ANKRD54: variants seen among roughly 807,000 people sequenced by gnomAD.
The protein encoded by ANKRD54 is ankyrin repeat domain 54.
ANKRD54 carries 26 observed loss-of-function variants against 36.2 expected under a neutral mutation model. That is an observed-to-expected ratio of 0.72 (90% CI 0.53 to 1.00). ANKRD54 has a LOEUF of 1.00. ANKRD54 is among the 50% of genes least tolerant of loss of function. ANKRD54 has a pLI of 0.00. For synonymous variants in ANKRD54, 209 were observed against 188.4 expected (o/e 1.11, Z -0.89); for missense variants, 384 against 424.3 (o/e 0.91, Z 0.83).
intron 3 of ANKRD54, among the ~76,000 whole-genome samples, chr22:37,838,210 A>C (rs1399010380): frequency 6.6e-6 from 1 of 152,086 alleles, no homozygotes; most frequent in East Asian, 1.9e-4. Flanking sequence ...ATGTTACCTG[A>C]AAGTCTTGAA....
intron 1 of ANKRD54, among the ~76,000 whole-genome samples, chr22:37,841,641 A>G (rs1924269841): frequency 1.3e-5 from 2 of 151,980 alleles, no homozygotes; most frequent in Admixed American, 6.6e-5. Context: ...CGAGGTCAGG[A>G]GTTTGAGACC....
rs998931702 is a variant in ANKRD54 at position 37,843,972 on chromosome 22, G to A, written c.267C>T (p.Gly89=). 2.1e-6 allele frequency: 3 copies of A among 1,415,446 alleles called. No homozygotes were observed. Among genetic ancestry groups the A allele is most frequent in the East Asian group, 3.0e-5 (1 of 32,844 alleles). The allele number at this position is 1,415,446 out of a possible 1,614,324, so 87.7% of individuals were successfully genotyped here. Residue 89 remains glycine, a synonymous_variant, in exon 1 of 8, where the codon GGC becomes GGT. Transcript: ENST00000215941. The part of the protein sequence containing the change: ...RDELRCKIPA[G]RLRRAARPHR... ...GGGGCCTGGCAGCGCGCCTCAGCCG[G>A]CCAGCGGGTATCTTGCAGCGCAGCT...
chr22:37,843,935 C>T lies in ANKRD54; in HGVS notation c.304G>A (p.Gly102Arg). The change falls in exon 1 of 8, where the codon GGG becomes AGG. Residue 102 changes from glycine (G) to arginine (R), a missense_variant. Physicochemically the swap from Gly to Arg is moderately radical, Grantham distance 125 (BLOSUM62 -2). Transcript: ENST00000215941. ...CCGTGCACCTCCTTGCCCGTGGGCC[C>T]GAGCCGCCGGTGGGGCCTGGCAGCG... is the stretch of plus-strand genomic sequence containing the variant. ...RRAARPHRRL[G>R]PTGKEVHALK... 7.3e-7 allele frequency: 1 copy of T among 1,362,614 alleles called. No individual in the cohort carries two copies. Among genetic ancestry groups the T allele is most frequent in the Non-Finnish European group, 9.4e-7 (1 of 1,060,756 alleles). 84.4% of individuals were successfully genotyped at this position (1,362,614 alleles called of 1,614,324 possible).
chr22:37,834,916 G>A (rs1923343588), intron 3 of ANKRD54, among the ~76,000 whole-genome samples: 1 of 151,576 alleles, frequency 6.6e-6, no homozygotes, highest in Admixed American at 6.6e-5. Flanking sequence ...AAAATTAGCT[G>A]GGTGTGGTGG....
chr22:37,846,999 G>A (rs1393015909), upstream of ANKRD54, among the ~76,000 whole-genome samples: 21 of 142,142 alleles, frequency 1.5e-4, no homozygotes, highest in Non-Finnish European at 9.2e-5. Context: ...GACTACAGGC[G>A]CCCGCCACTA....
intron 1 of ANKRD54, 46 bp from the exon 2 acceptor site, chr22:37,840,280 T>C (rs758192088): frequency 1.9e-6 from 3 of 1,603,284 alleles, no homozygotes; most frequent in Admixed American, 3.3e-5. Context: ...CAGCCATGGC[T>C]GGGTGCGGTG....
At chr22:37,832,890 T>C in intron 6 of ANKRD54, 68 bp downstream of exon 6, 1 of 1,607,156 alleles carries the variant, frequency 6.2e-7, no homozygotes, top group Non-Finnish European at 8.5e-7. Flanking sequence ...CAGGTGTGTC[T>C]GTGGTTAGGG....
upstream of ANKRD54, chr22:37,849,098 T>G: frequency 2.3e-6 from 1 of 427,226 alleles, no homozygotes; most frequent in Non-Finnish European, 4.2e-6. Context: ...GCGACTCTCC[T>G]GCCTCAGCCT....
At chr22:37,842,637 T>C (rs1391124679) in intron 1 of ANKRD54, among the ~76,000 whole-genome samples, 2 of 152,242 alleles carry the variant, frequency 1.3e-5, no homozygotes, top group East Asian at 3.8e-4. Flanking sequence ...GCAATGTCTT[T>C]GTCATCGGAG....
At chr22:37,843,871 C>T in intron 1 of ANKRD54, 40 bp downstream of exon 1, 1 of 1,188,898 alleles carries the variant, frequency 8.4e-7, no homozygotes, top group Non-Finnish European at 1.0e-6. Context: ...CTCGCCCGGG[C>T]TGCCCCGCCC....
At chr22:37,840,087 G>T (rs1001279989) in intron 2 of ANKRD54, 100 bp downstream of exon 2, 5 of 1,370,546 alleles carry the variant, frequency 3.6e-6, no homozygotes, top group Non-Finnish European at 5.2e-6. Flanking sequence ...CTCCAAGGGC[G>T]TGAGTTTGCA....
Position 37,838,549 on chromosome 22 carries a change from C to T in ANKRD54, c.426G>A (p.Lys142=). Residue 142 remains lysine (K), a synonymous_variant, in exon 3 of 8, where the codon AAG becomes AAA. Coordinates refer to ENST00000215941, the MANE Select transcript of ANKRD54 (RefSeq NM_138797.4). ...AGGCAAAGTGTAGAGCTGTGCGGCCCTTGTCATCAGCTGCACAGGGATCCG... is the reference window on the plus strand; with the variant it reads ...AGGCAAAGTGTAGAGCTGTGCGGCCTTTGTCATCAGCTGCACAGGGATCCG... ...DGADPCAADD[K]GRTALHFASC... 1.9e-6 allele frequency: 3 copies of T among 1,612,082 alleles called. No homozygotes were observed. Among genetic ancestry groups the T allele is most frequent in the Non-Finnish European group, 2.5e-6 (3 of 1,179,348 alleles).
chr22:37,832,492 C>T (rs1417178035), intron 7 of ANKRD54, 145 bp downstream of exon 7: 21 of 678,458 alleles, frequency 3.1e-5, no homozygotes, highest in South Asian at 2.1e-4. Flanking sequence ...CCTCCCATAG[C>T]GTTGGGATTA....
chr22:37,835,122 G>A (rs1217203819), intron 3 of ANKRD54, among the ~76,000 whole-genome samples: 1 of 152,108 alleles, frequency 6.6e-6, no homozygotes. Flanking sequence ...CAGCACTTTG[G>A]GAGGCCAAGG....
At chr22:37,840,295 A>C in intron 1 of ANKRD54, 61 bp from the exon 2 acceptor site, 2 of 1,569,994 alleles carry the variant, frequency 1.3e-6, no homozygotes, top group Non-Finnish European at 1.7e-6. Flanking sequence ...GCGGTGGCTC[A>C]TGCCTATAAT....
At chr22:37,849,335 C>G, upstream of ANKRD54, 2 of 1,378,832 alleles carry the variant, frequency 1.5e-6, no homozygotes, top group African/African-American at 2.8e-5. Context: ...CCAGAGGCCT[C>G]GGAAAGGCTT....
chr22:37,832,932 G>A, intron 6 of ANKRD54, 26 bp downstream of exon 6: 1 of 1,611,824 alleles, frequency 6.2e-7, no homozygotes, highest in Non-Finnish European at 8.5e-7. Context: ...TTGGTGCCGT[G>A]GTCTCCACAC....
At chr22:37,849,213 C>CG, upstream of ANKRD54, 1 of 574,864 alleles carries the variant, frequency 1.7e-6, no homozygotes, top group Non-Finnish European at 3.2e-6. Context: ...CTCAAACCCC[C>CG]GGCCTCAGCC....
intron 3 of ANKRD54, among the ~76,000 whole-genome samples, chr22:37,835,996 G>A (rs989783306): frequency 6.6e-6 from 1 of 151,774 alleles, no homozygotes; most frequent in African/African-American, 2.4e-5. Flanking sequence ...CACCACACCC[G>A]GCTAAGTTTT....
Sources: gnomAD v4.1 joint callset for allele counts (sites outside exome capture counted in the v4.1 genomes callset) on GRCh38, gnomAD v4.1.1 for gene constraint, MANE v1.5 for transcripts, NCBI Gene and HGNC (gene_info 2026-07-23, HGNC 2026-07-21) for gene names.